The following CPA6 variants were observed in gnomAD, a reference collection of about 807,000 sequenced individuals.
CPA6 encodes carboxypeptidase A6.
In CPA6, 58 loss-of-function variants were observed where a neutral mutation model predicts 63.3. The ratio of observed to expected loss-of-function variants is 0.92; its 90% CI spans 0.74 to 1.14. CPA6 has a LOEUF of 1.14. Ranked by LOEUF, CPA6 falls within the 50% of genes most tolerant of loss-of-function variation. The pLI, the probability that CPA6 is intolerant of heterozygous loss-of-function variation, is 0.00. For synonymous variants in CPA6, 185 were observed against 179.0 expected, an observed-to-expected ratio of 1.03 and a Z score of -0.27; for missense variants, 565 against 526.6, an observed-to-expected ratio of 1.07 and a Z score of -0.71.
At chr8:67,659,748 C>T (rs931991862) in intron 1 of CPA6, among the ~76,000 whole-genome samples, 5 of 152,166 alleles carry the variant, frequency 3.3e-5, no homozygotes, top group African/African-American at 4.8e-5. Context: ...CTTTACATTC[C>T]CCAAAGTGTC....
At chr8:67,710,322 T>C (rs1817229032) in intron 1 of CPA6, among the ~76,000 whole-genome samples, 1 of 152,016 alleles carries the variant, frequency 6.6e-6, no homozygotes, top group East Asian at 1.9e-4. Flanking sequence ...GGTGTCAGGC[T>C]GTTAGTTAAT....
At chr8:67,578,373 C>G (rs1813679451) in intron 2 of CPA6, among the ~76,000 whole-genome samples, 1 of 152,242 alleles carries the variant, frequency 6.6e-6, no homozygotes, top group Non-Finnish European at 1.5e-5. Flanking sequence ...TCAAAGTGCT[C>G]AAATGTAACA....
At chr8:67,546,590 G>C (rs559902360) in intron 2 of CPA6, among the ~76,000 whole-genome samples, 2 of 152,168 alleles carry the variant, frequency 1.3e-5, no homozygotes, top group Non-Finnish European at 2.9e-5. Flanking sequence ...AGGTACATCA[G>C]GATTAGCTTG....
intron 2 of CPA6, among the ~76,000 whole-genome samples, chr8:67,602,667 GA>G (rs1207328400): frequency 6.6e-6 from 1 of 152,158 alleles, no homozygotes; most frequent in Non-Finnish European, 1.5e-5. Flanking sequence ...AGATCTTAGA[GA>G]AATATAAATA....
At position 67,434,218 on chromosome 8, in the gene CPA6, A is replaced by G. The variant is rs1186379773; in HGVS notation, c.861T>C (p.Pro287=). 2.0e-5 allele frequency: 32 copies of G among 1,614,102 alleles called. No homozygotes were observed. Among genetic ancestry groups the G allele is most frequent in the Non-Finnish European group, 2.6e-5 (31 of 1,180,014 alleles). ...KWCDEGASMH[P]CDDTYCGPFP... is the part of the protein sequence containing the mutation. The stretch of plus-strand genomic sequence containing the variant: ...AAGGGCCACAGTATGTGTCATCACA[A>G]GGGTGCATAGAAGCTCCTTCATCTG... Residue 287 remains proline, a synonymous_variant, in exon 9 of 11, where the codon CCT becomes CCC. Coordinates refer to ENST00000297770, the MANE Select transcript of CPA6 (RefSeq NM_020361.5).
At chr8:67,630,259 C>T (rs1249706068) in intron 1 of CPA6, among the ~76,000 whole-genome samples, 4 of 151,970 alleles carry the variant, frequency 2.6e-5, no homozygotes, top group Admixed American at 1.3e-4. Context: ...GATAGGACGC[C>T]ATCCATTACA....
At chr8:67,601,462 G>T (rs1436213039) in intron 2 of CPA6, among the ~76,000 whole-genome samples, 1 of 152,146 alleles carries the variant, frequency 6.6e-6, no homozygotes, top group East Asian at 1.9e-4. Flanking sequence ...TCAGCTGGCT[G>T]AGGTTTAGAA....
At chr8:67,524,837 T>C (rs552074872) in intron 2 of CPA6, among the ~76,000 whole-genome samples, 2 of 152,274 alleles carry the variant, frequency 1.3e-5, no homozygotes, top group East Asian at 3.9e-4. Flanking sequence ...TATTTCCCCT[T>C]ACCATGGAAT....
intron 2 of CPA6, among the ~76,000 whole-genome samples, chr8:67,553,987 T>C (rs1400028126): frequency 6.6e-6 from 1 of 152,216 alleles, no homozygotes; most frequent in African/African-American, 2.4e-5. Flanking sequence ...CTTACATGTC[T>C]GTCTACTTAT....
At chr8:67,684,021 AT>A (rs1816654058) in intron 1 of CPA6, among the ~76,000 whole-genome samples, 1 of 144,906 alleles carries the variant, frequency 6.9e-6, no homozygotes, top group African/African-American at 2.5e-5. Context: ...ATATATATAT[AT>A]ATATATATAA....
intron 1 of CPA6, among the ~76,000 whole-genome samples, chr8:67,625,845 T>C (rs1815182311): frequency 6.6e-6 from 1 of 152,220 alleles, no homozygotes; most frequent in Non-Finnish European, 1.5e-5. Flanking sequence ...CATGATTTTC[T>C]GTCATTTTAC....
chr8:67,745,796 A>AT (rs1817995674), intron 1 of CPA6, among the ~76,000 whole-genome samples: 1 of 152,198 alleles, frequency 6.6e-6, no homozygotes, highest in Non-Finnish European at 1.5e-5. Context: ...TTGGCACATG[A>AT]TAAAAAGTAT....
intron 2 of CPA6, among the ~76,000 whole-genome samples, chr8:67,527,223 G>A (rs1812382202): frequency 6.6e-6 from 1 of 152,184 alleles, no homozygotes; most frequent in African/African-American, 2.4e-5. Context: ...TCCATTTGGT[G>A]TTCTCAACAA....
At chr8:67,559,206 G>T (rs1212381871) in intron 2 of CPA6, among the ~76,000 whole-genome samples, 1 of 152,068 alleles carries the variant, frequency 6.6e-6, no homozygotes, top group Non-Finnish European at 1.5e-5. Context: ...ATCAATATTT[G>T]TTTCTAAACC....
intron 8 of CPA6, among the ~76,000 whole-genome samples, chr8:67,437,068 G>A (rs1255924598): frequency 6.6e-6 from 1 of 152,206 alleles, no homozygotes; most frequent in Non-Finnish European, 1.5e-5. Flanking sequence ...TCAGAAGCAA[G>A]TGGGCTATAG....
chr8:67,596,097 C>A (rs532890497), intron 2 of CPA6, among the ~76,000 whole-genome samples: 1 of 152,292 alleles, frequency 6.6e-6, no homozygotes, highest in Non-Finnish European at 1.5e-5. Context: ...TTTTTCTCAA[C>A]AATCTTTAAT....
At chr8:67,739,083 G>A (rs919877393) in intron 1 of CPA6, among the ~76,000 whole-genome samples, 1 of 152,138 alleles carries the variant, frequency 6.6e-6, no homozygotes, top group East Asian at 1.9e-4. Flanking sequence ...TAAAATAAAG[G>A]GTCCATTATC....
rs564037831 is a variant in CPA6, at chr8:67,464,871, T to G, written c.838+18897A>C. On this transcript the variant is annotated intron_variant, in intron 8 of 10. Coordinates refer to ENST00000297770, the MANE Select transcript of CPA6 (RefSeq NM_020361.5). ...CTATTTTGTTCCATTGGTTGATACA[T>G]CTGTTTTTGTACCAGTACCATGCTG... is the stretch of plus-strand genomic sequence containing the variant. Among the ~76,000 whole-genome samples, 36 of 152,298 alleles carry G rather than the reference T, an allele frequency of 2.4e-4. 1 individual carries two copies. The South Asian group carries it at 7.5e-3, about 32-fold the overall frequency.
At chr8:67,705,394 A>G (rs564391053) in intron 1 of CPA6, among the ~76,000 whole-genome samples, 1 of 152,286 alleles carries the variant, frequency 6.6e-6, no homozygotes, top group African/African-American at 2.4e-5. Flanking sequence ...CTTTGGGTTT[A>G]AGAGCTGCCT....
Sources: gnomAD v4.1 joint callset for allele counts (sites outside exome capture counted in the v4.1 genomes callset) on GRCh38, gnomAD v4.1.1 for gene constraint, MANE v1.5 for transcripts, NCBI Gene and HGNC (gene_info 2026-07-23, HGNC 2026-07-21) for gene names.